Variants in MSH3 observed in about 807,000 individuals in gnomAD.
The protein encoded by MSH3 is DNA mismatch repair protein Msh3.
MSH3 carries 106 observed loss-of-function variants against 123.3 expected under a neutral mutation model. The ratio of observed to expected loss-of-function variants is 0.86; its 90% confidence interval spans 0.73 to 1.01. The LOEUF (loss-of-function observed/expected upper bound fraction) is 1.01, where lower values mean the gene tolerates loss of function less well. MSH3 is among the 50% of genes least tolerant of loss of function. The probability of loss-of-function intolerance (pLI) is 0.00; values close to 1 mark genes in which losing one functional copy is unlikely to be tolerated. For missense variants in MSH3, 1,459 were observed against 1,347.6 expected (o/e 1.08, Z -1.29); for synonymous variants, 515 against 481.4 (o/e 1.07, Z -0.91).
intron 10 of MSH3, among the ~76,000 whole-genome samples, chr5:80,731,007 A>G (rs1384193839): frequency 1.3e-5 from 2 of 150,190 alleles, no homozygotes; most frequent in Non-Finnish European, 3.0e-5. Context: ...GGTTCAAGCA[A>G]TTCTCCTGCC....
intron 9 of MSH3, among the ~76,000 whole-genome samples, chr5:80,726,964 T>C (rs1743312866): frequency 6.6e-6 from 1 of 152,196 alleles, no homozygotes; most frequent in Non-Finnish European, 1.5e-5. Context: ...CACAGCAGAC[T>C]TTGTGGCAGT....
intron 20 of MSH3, among the ~76,000 whole-genome samples, chr5:80,822,456 C>T (rs927382652): frequency 6.6e-6 from 1 of 152,006 alleles, no homozygotes; most frequent in South Asian, 2.1e-4. Context: ...AGATTCTATG[C>T]CATTAGTATT....
intron 20 of MSH3, among the ~76,000 whole-genome samples, chr5:80,839,901 A>G (rs751269810): frequency 3.3e-5 from 5 of 152,148 alleles, no homozygotes; most frequent in South Asian, 2.1e-4. Flanking sequence ...CCCCAGCCCT[A>G]CTCACTAGAG....
At chr5:80,804,632 C>T (rs1030405143) in intron 19 of MSH3, among the ~76,000 whole-genome samples, 11 of 152,200 alleles carry the variant, frequency 7.2e-5, no homozygotes, top group African/African-American at 2.7e-4. Context: ...CCCAAACAAA[C>T]GGAGCCTGTC....
chr5:80,782,625 T>C (rs1269238950), intron 17 of MSH3, among the ~76,000 whole-genome samples: 1 of 152,166 alleles, frequency 6.6e-6, no homozygotes, highest in East Asian at 1.9e-4. Flanking sequence ...AATGTACATA[T>C]ATTACTTTCA....
chr5:80,671,798 G>A (rs1034250703), intron 4 of MSH3, among the ~76,000 whole-genome samples: 1 of 152,232 alleles, frequency 6.6e-6, no homozygotes, highest in East Asian at 1.9e-4. Flanking sequence ...CCAGCCTGGG[G>A]TTTCTCTTTT....
intron 20 of MSH3, among the ~76,000 whole-genome samples, chr5:80,848,926 CA>C (rs1285646116): frequency 3.9e-5 from 6 of 152,160 alleles, no homozygotes. Flanking sequence ...GTCCACAGTC[CA>C]AAGTCTCATC....
At position 80,655,002 on chromosome 5, in the gene MSH3, TG is replaced by T. The variant is rs985762586; in HGVS notation, c.237+45del. On this transcript the variant is annotated intron_variant, in intron 1 of 23. Coordinates refer to ENST00000265081, the MANE Select transcript of MSH3 (RefSeq NM_002439.5). ...TGGGACTGGGCAGGGCCATCGGGGC[TG>T]GGGGGGCGGGGCTTGTGGGTAAGGC... is the stretch of plus-strand genomic sequence containing the variant. The T allele has an allele frequency of 6.7e-5, 75 of 1,124,640 alleles. 1 individual carries two copies. Among genetic ancestry groups the T allele is most frequent in the Middle Eastern group, 2.8e-4 (1 of 3,592 alleles). The allele number at this position is 1,124,640 out of a possible 1,614,324, so 69.7% of individuals were successfully genotyped here. A position where few individuals can be genotyped will look rare whatever the true frequency, so the allele number is the denominator to read the frequency against.
intron 16 of MSH3, among the ~76,000 whole-genome samples, chr5:80,777,523 T>C (rs1440171512): frequency 6.6e-6 from 1 of 152,194 alleles, no homozygotes; most frequent in Non-Finnish European, 1.5e-5. Flanking sequence ...TTGATAAATA[T>C]GTTGGCCTAG....
chr5:80,689,909 A>C (rs562090873), intron 8 of MSH3, among the ~76,000 whole-genome samples: 5 of 151,902 alleles, frequency 3.3e-5, no homozygotes, highest in African/African-American at 1.2e-4. Context: ...TTTAAAGAGT[A>C]GGGGTCTCGC....
chr5:80,817,612 T>C (rs1745129214), intron 20 of MSH3, among the ~76,000 whole-genome samples: 1 of 152,104 alleles, frequency 6.6e-6, no homozygotes, highest in Non-Finnish European at 1.5e-5. Flanking sequence ...CTAGAATGAA[T>C]CCTAATGATA....
chr5:80,845,568 A>G (rs1580086298), intron 20 of MSH3, among the ~76,000 whole-genome samples: 1 of 152,194 alleles, frequency 6.6e-6, no homozygotes, highest in Admixed American at 6.5e-5. Flanking sequence ...CTTTTCACAT[A>G]GTCCCATATT....
At chr5:80,689,513 A>G (rs1750180236) in intron 8 of MSH3, among the ~76,000 whole-genome samples, 1 of 152,196 alleles carries the variant, frequency 6.6e-6, no homozygotes, top group Admixed American at 6.5e-5. Context: ...TTAAATATTT[A>G]TAAACTGAAA....
intron 20 of MSH3, among the ~76,000 whole-genome samples, chr5:80,835,694 GA>G (rs1360885527): frequency 2.6e-5 from 4 of 152,018 alleles, no homozygotes; most frequent in African/African-American, 9.7e-5. Flanking sequence ...GTGGGTGGAT[GA>G]CTTGAGGTCA....
At chr5:80,688,713 A>G (rs1387242969) in intron 8 of MSH3, among the ~76,000 whole-genome samples, 1 of 151,876 alleles carries the variant, frequency 6.6e-6, no homozygotes, top group Non-Finnish European at 1.5e-5. Context: ...TTCTAATGTC[A>G]TTTGAATTAA....
intron 19 of MSH3, among the ~76,000 whole-genome samples, chr5:80,813,284 G>A (rs1055040379): frequency 6.6e-6 from 1 of 152,146 alleles, no homozygotes; most frequent in South Asian, 2.1e-4. Context: ...TTAAACATAA[G>A]CAATAGGGAG....
At position 80,701,050 on chromosome 5, in the gene MSH3, T is replaced by C. The variant is rs188952776; in HGVS notation, c.1340+21957T>C. ...ATTTAGCTAAAGCGTCTTGTCCTCA[T>C]GGCTTTTCCCAGAAGTTTGTGTTAT... On this transcript the variant is annotated intron_variant, in intron 8 of 23. Coordinates refer to ENST00000265081, the MANE Select transcript of MSH3 (RefSeq NM_002439.5). Among the ~76,000 whole-genome samples the C allele has an allele frequency of 3.8e-3, 576 of 152,356 alleles. 9 individuals are homozygous for C. Among genetic ancestry groups the C allele is most frequent in the Non-Finnish European group, 4.2e-3 (286 of 68,042 alleles).
At position 80,828,121 on chromosome 5, in the gene MSH3, A is replaced by G. The variant is rs190092836; in HGVS notation, c.2813+14380A>G. ...GGCTCATTGGGTAATTGATAAACAA[A>G]GTAAATTTATTACAGTTCTGTAGAC... On this transcript the variant is annotated intron_variant, in intron 20 of 23. Transcript: ENST00000265081. 3.5e-3 allele frequency among the ~76,000 whole-genome samples: 536 copies of G among 152,310 alleles called. 3 individuals carry two copies. The highest frequency in any genetic ancestry group is 0.014 in the Middle Eastern group (4 of 294).
Position 80,679,192 on chromosome 5 carries a change from A to G in MSH3, c.1340+99A>G, listed in dbSNP as rs1479262755. 3.9e-6 allele frequency: 5 copies of G among 1,290,224 alleles called. No homozygotes were observed. In the African/African-American group the frequency reaches 7.4e-5, roughly 19 times the overall value. 79.9% of individuals were successfully genotyped at this position (1,290,224 alleles called of 1,614,324 possible). A position where few individuals can be genotyped will look rare whatever the true frequency, so the allele number is the denominator to read the frequency against. On this transcript the variant is annotated intron_variant, in intron 8 of 23. Coordinates refer to ENST00000265081, the MANE Select transcript of MSH3 (RefSeq NM_002439.5). ...AAGTTGCTAAAAATAGTTTTTACTT[A>G]CAAAAATTATATTTCCACTGTAGTA...
Sources: allele counts gnomAD v4.1 joint callset (sites outside exome capture counted in the v4.1 genomes callset), GRCh38; gene constraint gnomAD v4.1.1; transcripts MANE v1.5; gene names NCBI Gene and HGNC (gene_info 2026-07-23, HGNC 2026-07-21).